The following GNG7 variants were observed in gnomAD, a reference collection of about 807,000 sequenced individuals.
GNG7 encodes guanine nucleotide-binding protein G(I)/G(S)/G(O) subunit gamma-7.
Under a neutral mutation model 4.0 loss-of-function variants are expected in GNG7, and 1 was observed. That is an observed-to-expected ratio of 0.25 (90% CI 0.09 to 1.18). The LOEUF is 1.18. GNG7 is among the 50% of genes most tolerant of loss of function. The pLI is 0.50. For synonymous variants in GNG7, 34 were observed against 36.9 expected (o/e 0.92, Z 0.29); for missense variants, 86 against 91.9 (o/e 0.94, Z 0.26).
At chr19:2,533,784 A>G (rs1324506449) in intron 3 of GNG7, among the ~76,000 whole-genome samples, 1 of 152,348 alleles carries the variant, frequency 6.6e-6, no homozygotes, top group Non-Finnish European at 1.5e-5. Context: ...TAGAAAATGC[A>G]GGAAGAAGTG....
chr19:2,565,532 A>C (rs7246554), intron 2 of GNG7, among the ~76,000 whole-genome samples: 59,085 of 151,018 alleles, frequency 0.39, 12,039 homozygotes, highest in South Asian at 0.54. Flanking sequence ...AAACAAAAAC[A>C]AAAGCTGTTT....
At chr19:2,694,238 G>T (rs529559400) in intron 1 of GNG7, among the ~76,000 whole-genome samples, 12 of 141,220 alleles carry the variant, frequency 8.5e-5, no homozygotes, top group Admixed American at 7.0e-4. Flanking sequence ...CTTTTTTTTG[G>T]GGGGGGGCAG....
At chr19:2,533,929 G>C (rs1978665446) in intron 3 of GNG7, among the ~76,000 whole-genome samples, 1 of 152,170 alleles carries the variant, frequency 6.6e-6, no homozygotes, top group African/African-American at 2.4e-5. Flanking sequence ...TCAGCCTTCA[G>C]CTCAGTCCTC....
At chr19:2,643,755 C>A in intron 2 of GNG7, 2 of 409,360 alleles carry the variant, frequency 4.9e-6, no homozygotes, top group East Asian at 1.4e-4. Context: ...CGCTAATCTT[C>A]AAGCGCACAT....
chr19:2,595,894 T>G (rs1429764476), intron 2 of GNG7, among the ~76,000 whole-genome samples: 1 of 152,094 alleles, frequency 6.6e-6, no homozygotes, highest in Non-Finnish European at 1.5e-5. Flanking sequence ...CCAGGACAAC[T>G]GTGTGAGCAG....
chr19:2,521,881 T>A (rs1377011791), intron 3 of GNG7, among the ~76,000 whole-genome samples: 4 of 152,136 alleles, frequency 2.6e-5, no homozygotes, highest in Non-Finnish European at 4.4e-5. Context: ...CTCAAAGTGC[T>A]GGGATGACAG....
At chr19:2,533,212 T>G (rs2144739497) in intron 3 of GNG7, among the ~76,000 whole-genome samples, 1 of 148,862 alleles carries the variant, frequency 6.7e-6, no homozygotes, top group East Asian at 1.9e-4. Flanking sequence ...TATTAAATAT[T>G]AGTATTTAAT....
rs560911988 is a variant in GNG7 at position 2,644,109 on chromosome 19, C to T, written c.-78+2115G>A. Among the ~76,000 whole-genome samples, 31 of 152,000 alleles carry T rather than the reference C, an allele frequency of 2.0e-4. No homozygotes were observed. The South Asian group carries it at 4.2e-3, about 20-fold the overall frequency. ...AATCTCAGCTCACTGCAACCTCCGT[C>T]TCCCGCGTTCAAGCAATCCTCCCAC... On this transcript the variant is annotated intron_variant, in intron 2 of 4. Coordinates refer to ENST00000382159, the MANE Select transcript of GNG7 (RefSeq NM_052847.3).
At chr19:2,541,183 T>G (rs1389132270) in intron 3 of GNG7, among the ~76,000 whole-genome samples, 1 of 152,126 alleles carries the variant, frequency 6.6e-6, no homozygotes, top group African/African-American at 2.4e-5. Context: ...TAAAAGAGGC[T>G]GATCAGGTTG....
At chr19:2,563,905 C>T (rs1160479391) in intron 2 of GNG7, among the ~76,000 whole-genome samples, 5 of 151,918 alleles carry the variant, frequency 3.3e-5, no homozygotes, top group Admixed American at 3.3e-4. Context: ...GGATTTGAAG[C>T]TCATACATAA....
intron 2 of GNG7, among the ~76,000 whole-genome samples, chr19:2,568,815 CATATACACACAA>C (rs904130468): frequency 6.6e-6 from 1 of 151,306 alleles, no homozygotes; most frequent in African/African-American, 2.5e-5. Flanking sequence ...TATACACACA[CATATACACACAA>C]ATATATACAC....
chr19:2,518,117 C>T (rs1469566759), intron 4 of GNG7, among the ~76,000 whole-genome samples: 2 of 152,202 alleles, frequency 1.3e-5, no homozygotes, highest in African/African-American at 2.4e-5. Context: ...CCCCCATGCC[C>T]ACTGCGCTGG....
intron 2 of GNG7, among the ~76,000 whole-genome samples, chr19:2,627,246 T>A (rs1179156997): frequency 6.6e-6 from 1 of 151,528 alleles, no homozygotes; most frequent in Non-Finnish European, 1.5e-5. Context: ...TGACTGGGGG[T>A]GCTCCTGGCA....
chr19:2,605,701 AC>A (rs1410147609), intron 2 of GNG7, among the ~76,000 whole-genome samples: 1 of 150,420 alleles, frequency 6.6e-6, no homozygotes, highest in Non-Finnish European at 1.5e-5. Context: ...TTTAGTAGAG[AC>A]GGGGTTTCAC....
intron 1 of GNG7, among the ~76,000 whole-genome samples, chr19:2,701,639 G>A (rs1408971844): frequency 9.2e-6 from 1 of 109,136 alleles, no homozygotes; most frequent in Non-Finnish European, 1.8e-5. Flanking sequence ...CCTCTCCCCA[G>A]ACAACCTCAA....
At chr19:2,587,996 A>G (rs1367476048) in intron 2 of GNG7, among the ~76,000 whole-genome samples, 1 of 152,186 alleles carries the variant, frequency 6.6e-6, no homozygotes, top group Non-Finnish European at 1.5e-5. Flanking sequence ...CACTGTTTCT[A>G]TTCAGTATTG....
chr19:2,685,347 G>T (rs8107457), intron 1 of GNG7, among the ~76,000 whole-genome samples: 11,146 of 151,978 alleles, frequency 0.073, 808 homozygotes, highest in African/African-American at 0.19. Flanking sequence ...GAGAAGGCTG[G>T]GTGCAGTGGG....
chr19:2,539,217 T>C (rs572478886), intron 3 of GNG7, among the ~76,000 whole-genome samples: 9 of 152,186 alleles, frequency 5.9e-5, no homozygotes, highest in Non-Finnish European at 8.8e-5. Context: ...CTTCTGTTTT[T>C]TCCTTGCATA....
At chr19:2,585,616 G>A (rs530268146) in intron 2 of GNG7, among the ~76,000 whole-genome samples, 1 of 152,272 alleles carries the variant, frequency 6.6e-6, no homozygotes, top group African/African-American at 2.4e-5. Flanking sequence ...CTCCAGATTG[G>A]GATTACCAGG....
Sources: gnomAD v4.1 joint callset for allele counts (sites outside exome capture counted in the v4.1 genomes callset) on GRCh38, gnomAD v4.1.1 for gene constraint, MANE v1.5 for transcripts, NCBI Gene and HGNC (gene_info 2026-07-23, HGNC 2026-07-21) for gene names.